The following OTOGL variants were observed in gnomAD, a reference collection of about 807,000 sequenced individuals.
OTOGL encodes the protein otogelin-like protein.
A neutral mutation model predicts 318.5 loss-of-function variants in OTOGL; 285 were observed. The ratio of observed to expected loss-of-function variants is 0.89; its 90% CI spans 0.81 to 0.99. The LOEUF is 0.99. OTOGL is among the 50% of genes least tolerant of loss of function. The pLI, the probability that OTOGL is intolerant of heterozygous loss-of-function variation, is 0.00. For missense variants in OTOGL, 2,899 were observed against 2,845.6 expected (o/e 1.02, Z -0.43); for synonymous variants, 987 against 936.5 (o/e 1.05, Z -0.99).
Position 80,254,447 on chromosome 12 carries a change from A to C in OTOGL, c.1395-77A>C, listed in dbSNP as rs74488600. 5.0e-6 allele frequency: 6 copies of C among 1,189,082 alleles called. No individual in the cohort carries two copies. In the East Asian group the frequency reaches 1.5e-4, roughly 29 times the overall value. 73.7% of individuals were successfully genotyped at this position (1,189,082 alleles called of 1,614,324 possible). A position where few individuals can be genotyped will look rare whatever the true frequency, so the allele number is the denominator to read the frequency against. ...CTATAAACATGATATATTTTGGTCCATTAATCAATACATTGATGCAAACAT... is the reference window on the plus strand; with the variant it reads ...CTATAAACATGATATATTTTGGTCCCTTAATCAATACATTGATGCAAACAT... On this transcript the variant is annotated intron_variant, in intron 14 of 58. Transcript: ENST00000547103.
intron 1 of OTOGL, among the ~76,000 whole-genome samples, chr12:80,175,724 C>T (rs963055658): frequency 6.6e-6 from 1 of 152,258 alleles, no homozygotes; most frequent in East Asian, 1.9e-4. Flanking sequence ...TTGTCTGGGG[C>T]CTGGTGATGA....
intron 1 of OTOGL, among the ~76,000 whole-genome samples, chr12:80,128,091 G>A (rs1407963768): frequency 1.3e-5 from 2 of 152,202 alleles, no homozygotes; most frequent in African/African-American, 2.4e-5. Context: ...GAGGACCTGT[G>A]TTCCTTTGGA....
chr12:80,107,620 A>T (rs1315128060), intron 1 of OTOGL, among the ~76,000 whole-genome samples: 1 of 152,132 alleles, frequency 6.6e-6, no homozygotes, highest in Non-Finnish European at 1.5e-5. Context: ...AAAGAATATG[A>T]ATCATTCTAC....
chr12:80,345,937 A>G (rs969194813), intron 44 of OTOGL, among the ~76,000 whole-genome samples: 2 of 152,214 alleles, frequency 1.3e-5, no homozygotes, highest in African/African-American at 4.8e-5. Flanking sequence ...CACAGTCCAT[A>G]CAATAGTGGA....
At chr12:80,174,918 G>T (rs915364274) in intron 1 of OTOGL, among the ~76,000 whole-genome samples, 4 of 146,182 alleles carry the variant, frequency 2.7e-5, no homozygotes, top group Non-Finnish European at 6.1e-5. Flanking sequence ...AGTGGCGAGG[G>T]CTAAAACATG....
At chr12:80,241,805 G>A (rs1000317704) in intron 11 of OTOGL, among the ~76,000 whole-genome samples, 2 of 152,070 alleles carry the variant, frequency 1.3e-5, no homozygotes, top group Admixed American at 1.3e-4. Flanking sequence ...GATTGGCATC[G>A]TGGCTCTGCT....
At chr12:80,368,826 T>G (rs1269908743) in intron 55 of OTOGL, among the ~76,000 whole-genome samples, 1 of 151,676 alleles carries the variant, frequency 6.6e-6, no homozygotes, top group Admixed American at 6.6e-5. Context: ...ACTATTTTTT[T>G]TTTTTTTTTG....
At position 80,248,254 on chromosome 12, in the gene OTOGL, T is replaced by C. The variant is rs1238542102; in HGVS notation, c.1053-3439T>C. ...CTCGTTAGTTGATGCAGTTTCTTCC[T>C]AGTCTCGATGGTCTTTACATTTTGG... On this transcript the variant is annotated intron_variant, in intron 11 of 58. Coordinates refer to ENST00000547103, the MANE Select transcript of OTOGL (RefSeq NM_001378609.3). Among the ~76,000 whole-genome samples the C allele has an allele frequency of 3.8e-3, 558 of 148,338 alleles. 6 individuals carry two copies. The highest frequency in any genetic ancestry group is 0.014 in the African/African-American group (535 of 39,338).
chr12:80,118,485 G>A (rs990235794), intron 1 of OTOGL, among the ~76,000 whole-genome samples: 2 of 152,128 alleles, frequency 1.3e-5, no homozygotes, highest in Non-Finnish European at 2.9e-5. Flanking sequence ...TGACTCTCAT[G>A]TGCCCAAAGT....
At chr12:80,359,050 T>G (rs1024935648) in intron 52 of OTOGL, 150 bp downstream of exon 52, 3 of 670,992 alleles carry the variant, frequency 4.5e-6, no homozygotes, top group Non-Finnish European at 7.2e-6. Context: ...TGCTCTGATA[T>G]TAGGAAATAG....
intron 1 of OTOGL, among the ~76,000 whole-genome samples, chr12:80,171,483 CTA>C (rs892879019): frequency 6.6e-6 from 1 of 152,128 alleles, no homozygotes; most frequent in Non-Finnish European, 1.5e-5. Context: ...TATCAATTGA[CTA>C]TGTTTGTGTT....
Position 80,103,458 on chromosome 12 carries a change from A to G in OTOGL, c.-20+3853A>G, listed in dbSNP as rs997847217. The G allele has an allele frequency of 5.0e-6, 3 of 597,622 alleles. No homozygotes were observed. In the East Asian group the frequency reaches 8.3e-5, roughly 17 times the overall value. The allele number at this position is 597,622 out of a possible 1,614,324, so 37.0% of individuals were successfully genotyped here. A position where few individuals can be genotyped will look rare whatever the true frequency, so the allele number is the denominator to read the frequency against. On this transcript the variant is annotated intron_variant, in intron 1 of 58. Coordinates refer to ENST00000547103, the MANE Select transcript of OTOGL (RefSeq NM_001378609.3). ...AGAATGTTGTCCCTTCTCTTCCCAT[A>G]GTTAATTCTTATGAATTCTTCAACA...
chr12:80,151,585 G>A (rs1172722914), intron 1 of OTOGL, among the ~76,000 whole-genome samples: 1 of 152,094 alleles, frequency 6.6e-6, no homozygotes, highest in Non-Finnish European at 1.5e-5. Context: ...GTGGGAATAG[G>A]GTCATGTTAT....
At chr12:80,113,179 T>C (rs1257089240) in intron 1 of OTOGL, among the ~76,000 whole-genome samples, 1 of 152,194 alleles carries the variant, frequency 6.6e-6, no homozygotes, top group East Asian at 1.9e-4. Context: ...CTATGTATTT[T>C]GTTAATCTTT....
intron 28 of OTOGL, 147 bp downstream of exon 28, chr12:80,302,930 A>G: frequency 1.3e-6 from 1 of 751,544 alleles, no homozygotes; most frequent in Non-Finnish European, 1.9e-6. Flanking sequence ...GTGAAAAAGA[A>G]CTTCACCAAC....
intron 7 of OTOGL, 56 bp downstream of exon 7, chr12:80,222,301 A>G: frequency 7.0e-7 from 1 of 1,433,074 alleles, no homozygotes; most frequent in Non-Finnish European, 9.4e-7. Flanking sequence ...AAAAGTATGT[A>G]TTTTTAAAGT....
chr12:80,118,401 G>A (rs567753061), intron 1 of OTOGL, among the ~76,000 whole-genome samples: 79 of 152,276 alleles, frequency 5.2e-4, no homozygotes, highest in African/African-American at 1.8e-3. Context: ...TGATCTCACA[G>A]CGCTAGGAGG....
At position 80,297,521 on chromosome 12, in the gene OTOGL, C is replaced by T. The variant is rs139994602; in HGVS notation, c.3063+560C>T. Among the ~76,000 whole-genome samples, 13 of 152,076 alleles carry T rather than the reference C, an allele frequency of 8.5e-5. No individual in the cohort carries two copies. The East Asian group carries it at 1.4e-3, about 16-fold the overall frequency. On this transcript the variant is annotated intron_variant, in intron 27 of 58. Transcript: ENST00000547103. ...CTAATTTTTGTATTTTCAGTAGAGACGGGATTTCACCATCTTGGTTAGGCT... is the reference window on the plus strand; with the variant it reads ...CTAATTTTTGTATTTTCAGTAGAGATGGGATTTCACCATCTTGGTTAGGCT...
chr12:80,255,209 G>A (rs753466667), intron 16 of OTOGL, 24 bp downstream of exon 16: 6 of 1,384,378 alleles, frequency 4.3e-6, no homozygotes, highest in Non-Finnish European at 3.8e-6. Flanking sequence ...AAAATGACCA[G>A]AGGAATATGG....
Sources: allele counts gnomAD v4.1 joint callset (sites outside exome capture counted in the v4.1 genomes callset), GRCh38; gene constraint gnomAD v4.1.1; transcripts MANE v1.5; gene names NCBI Gene and HGNC (gene_info 2026-07-23, HGNC 2026-07-21).